The following ANKRD44 variants were observed in gnomAD, a reference collection of about 807,000 sequenced individuals.
ANKRD44 encodes serine/threonine-protein phosphatase 6 regulatory ankyrin repeat subunit B.
In ANKRD44, 35 loss-of-function variants were observed where a neutral mutation model predicts 116.0. The ratio of observed to expected loss-of-function variants is 0.30; its 90% confidence interval spans 0.23 to 0.40. The LOEUF (loss-of-function observed/expected upper bound fraction) is 0.40. ANKRD44 is among the 10% of genes least tolerant of loss of function. The pLI is 1.00. For synonymous variants in ANKRD44, 435 were observed against 461.8 expected (o/e 0.94, Z 0.74); for missense variants, 1,014 against 1,242.6 (o/e 0.82, Z 2.77).
At chr2:197,187,867 T>C (rs2080723299) in intron 1 of ANKRD44, among the ~76,000 whole-genome samples, 1 of 152,212 alleles carries the variant, frequency 6.6e-6, no homozygotes, top group Non-Finnish European at 1.5e-5. Context: ...ATCCAGTCTA[T>C]AGTATTTTGT....
At chr2:197,116,155 C>T (rs1048521879) in intron 8 of ANKRD44, among the ~76,000 whole-genome samples, 9 of 152,152 alleles carry the variant, frequency 5.9e-5, no homozygotes, top group African/African-American at 2.2e-4. Context: ...TCTGAACTGA[C>T]CACTGGTCAG....
Position 197,021,785 on chromosome 2 carries a change from C to T in ANKRD44, c.1722+3411G>A, listed in dbSNP as rs113734357. On this transcript the variant is annotated intron_variant, in intron 17 of 27. Transcript: ENST00000282272. ...TATAAAACACTATGTCTAGCAACTA[C>T]GAAAGACAACTTTTTATAAACAATT... Among the ~76,000 whole-genome samples the T allele has an allele frequency of 9.2e-5, 14 of 152,172 alleles. 1 individual carries two copies. Among genetic ancestry groups the T allele is most frequent in the African/African-American group, 1.9e-4 (8 of 41,508 alleles).
Position 197,124,590 on chromosome 2 carries a change from C to T in ANKRD44, c.550+791G>A, listed in dbSNP as rs370417443. On this transcript the variant is annotated intron_variant, in intron 6 of 27. Transcript: ENST00000282272. ...CATCACTGTAGTTACTGCAAAGTGT[C>T]CCCTTGTGTGGATCTTCCAGAATTT... is the stretch of plus-strand genomic sequence containing the variant. 3.3e-5 allele frequency among the ~76,000 whole-genome samples: 5 copies of T among 152,344 alleles called. No individual in the cohort carries two copies. In the East Asian group the frequency reaches 7.7e-4, roughly 23 times the overall value.
At chr2:197,025,385 AAT>A (rs1410824487) in intron 16 of ANKRD44, 118 bp from the exon 17 acceptor site, 1 of 682,364 alleles carries the variant, frequency 1.5e-6, no homozygotes, top group African/African-American at 1.8e-5. Flanking sequence ...GTAATATAAA[AAT>A]ATGATATAAC....
At chr2:196,990,426 T>C in intron 27 of ANKRD44, 1 of 1,148,344 alleles carries the variant, frequency 8.7e-7, no homozygotes, top group Non-Finnish European at 1.1e-6. Context: ...TTTTATTCTT[T>C]ATTTAAAATG....
chr2:197,061,356 G>A (rs1014357730), intron 16 of ANKRD44, among the ~76,000 whole-genome samples: 19 of 152,180 alleles, frequency 1.2e-4, no homozygotes, highest in Admixed American at 1.2e-3. Flanking sequence ...GTGGTAGAGT[G>A]CAGACCCCAT....
At chr2:197,185,701 T>C (rs1045595374) in intron 2 of ANKRD44, among the ~76,000 whole-genome samples, 2 of 152,240 alleles carry the variant, frequency 1.3e-5, no homozygotes, top group African/African-American at 2.4e-5. Flanking sequence ...TGATTCTTAA[T>C]CTTTTGGGAG....
intron 16 of ANKRD44, 153 bp downstream of exon 16, chr2:197,078,550 A>C (rs1559044599): frequency 6.7e-7 from 1 of 1,502,678 alleles, no homozygotes; most frequent in South Asian, 1.2e-5. Flanking sequence ...TAGAAAAAAC[A>C]CTTTTTGAAA....
intron 2 of ANKRD44, 66 bp from the exon 3 acceptor site, chr2:197,147,171 T>TGTCTTACTATGTCTAC: frequency 7.4e-7 from 1 of 1,343,310 alleles, no homozygotes; most frequent in Non-Finnish European, 1.1e-6. Context: ...TTTGTAGACA[T>TGTCTTACTATGTCTAC]AGTAAGACGT....
At chr2:197,274,756 C>G (rs1404289877) in intron 1 of ANKRD44, among the ~76,000 whole-genome samples, 1 of 152,100 alleles carries the variant, frequency 6.6e-6, no homozygotes, top group Non-Finnish European at 1.5e-5. Flanking sequence ...TTTAGGGTTT[C>G]TTTAATGGGA....
At chr2:197,039,687 G>A (rs2076873063) in intron 16 of ANKRD44, among the ~76,000 whole-genome samples, 1 of 7,074 alleles carries the variant, frequency 1.4e-4, no homozygotes, top group African/African-American at 1.0e-3. Flanking sequence ...GTGCGTGTGT[G>A]TGTGTGTGTG....
At position 197,188,864 on chromosome 2, in the gene ANKRD44, A is replaced by T. The variant is rs1009590154; in HGVS notation, c.28-1758T>A. On this transcript the variant is annotated intron_variant, in intron 1 of 27. Coordinates refer to ENST00000282272, the MANE Select transcript of ANKRD44 (RefSeq NM_001195144.2). ...GAATCACCGGAGATGCCTATTAAAA[A>T]AAATAGTCCCAGATCCCTTTCCTAA... Among the ~76,000 whole-genome samples the T allele has an allele frequency of 2.0e-5, 3 of 152,194 alleles. No individual in the cohort carries two copies. In the East Asian group the frequency reaches 5.8e-4, roughly 29 times the overall value.
intron 1 of ANKRD44, among the ~76,000 whole-genome samples, chr2:197,226,081 C>T (rs1268709149): frequency 6.6e-6 from 1 of 152,210 alleles, no homozygotes; most frequent in Admixed American, 6.5e-5. Context: ...TAATAACTTT[C>T]CTGTCTTCCA....
chr2:197,205,130 C>T (rs2712900), intron 1 of ANKRD44, among the ~76,000 whole-genome samples: 144,716 of 152,332 alleles, frequency 0.95, 68,819 homozygotes, highest in East Asian at 1. Context: ...AGCATACAGA[C>T]TCCTGGACCC....
At chr2:197,008,373 A>G (rs948258322) in intron 19 of ANKRD44, among the ~76,000 whole-genome samples, 1 of 152,218 alleles carries the variant, frequency 6.6e-6, no homozygotes, top group Non-Finnish European at 1.5e-5. Context: ...AGTCTCCGGG[A>G]AAGAATGAAG....
chr2:197,140,054 T>C (rs1055352276), intron 3 of ANKRD44, among the ~76,000 whole-genome samples: 1 of 149,558 alleles, frequency 6.7e-6, no homozygotes, highest in African/African-American at 2.5e-5. Flanking sequence ...TAATTTTTTT[T>C]ATTTTTTAGT....
chr2:196,967,734 A>G (rs1367219695), intron 21 of ANKRD44, among the ~76,000 whole-genome samples: 1 of 152,224 alleles, frequency 6.6e-6, no homozygotes. Context: ...AAGAAACTCA[A>G]CTGATAGAAA....
chr2:197,282,277 T>C (rs1202189407), intron 1 of ANKRD44, among the ~76,000 whole-genome samples: 1 of 151,950 alleles, frequency 6.6e-6, no homozygotes, highest in Non-Finnish European at 1.5e-5. Context: ...ATATAGTAAC[T>C]ACAGTGTCTA....
At chr2:197,272,480 C>A (rs572402417) in intron 1 of ANKRD44, among the ~76,000 whole-genome samples, 7 of 152,218 alleles carry the variant, frequency 4.6e-5, no homozygotes, top group Non-Finnish European at 1.0e-4. Flanking sequence ...TTGTGATCCG[C>A]CCGCCTTGGC....
Sources: gnomAD v4.1 joint callset for allele counts (sites outside exome capture counted in the v4.1 genomes callset) on GRCh38, gnomAD v4.1.1 for gene constraint, MANE v1.5 for transcripts, NCBI Gene and HGNC (gene_info 2026-07-23, HGNC 2026-07-21) for gene names.